The following SHANK2 variants were observed in gnomAD, a reference collection of about 807,000 sequenced individuals.
SHANK2 encodes the protein SH3 and multiple ankyrin repeat domains 2, also known as SH3 and multiple ankyrin repeat domains protein 2.
In SHANK2, 43 loss-of-function variants were observed where a neutral mutation model predicts 133.7. The ratio of observed to expected loss-of-function variants is 0.32; its 90% CI spans 0.25 to 0.41. The LOEUF (loss-of-function observed/expected upper bound fraction) is 0.41, where lower values mean the gene tolerates loss of function less well. Ranked by LOEUF, SHANK2 falls within the 10% of genes least tolerant of loss-of-function variation. SHANK2 has a pLI of 1.00. For missense variants in SHANK2, 1,994 were observed against 2,235.8 expected (o/e 0.89, Z 2.18); for synonymous variants, 1,017 against 952.8 (o/e 1.07, Z -1.24).
chr11:70,581,735 G>T (rs1345660370), intron 17 of SHANK2, among the ~76,000 whole-genome samples: 2 of 152,180 alleles, frequency 1.3e-5, no homozygotes, highest in Non-Finnish European at 2.9e-5. Flanking sequence ...TGAAGGCAAA[G>T]ACTGAAGTTG....
At chr11:70,928,584 C>T (rs922998687) in intron 10 of SHANK2, among the ~76,000 whole-genome samples, 1 of 152,056 alleles carries the variant, frequency 6.6e-6, no homozygotes, top group Non-Finnish European at 1.5e-5. Context: ...CAGAAAAAGG[C>T]ATTTGTTTCA....
rs2059736381 is a variant in SHANK2, at chr11:70,549,399, A to G, written c.2062-46468T>C. 2.0e-5 allele frequency among the ~76,000 whole-genome samples: 3 copies of G among 152,214 alleles called. No homozygotes were observed. In the South Asian group the frequency reaches 6.2e-4, roughly 32 times the overall value. On this transcript the variant is annotated intron_variant, in intron 17 of 25. Coordinates refer to ENST00000601538, the MANE Select transcript of SHANK2 (RefSeq NM_012309.5). ...TCCCCCTAGTGAAGGGCCCTTAAAA[A>G]TAAGCTCCCGATGGCCGAGAAAGGT...
At chr11:71,191,198 A>C (rs1280792484) in intron 2 of SHANK2, among the ~76,000 whole-genome samples, 3 of 152,060 alleles carry the variant, frequency 2.0e-5, no homozygotes, top group Non-Finnish European at 4.4e-5. Context: ...AAATGCAAAA[A>C]TGAACGCAGC....
In SHANK2 at chr11:71,224,758, T is replaced by C. The variant is rs782193792; in HGVS notation, c.-74A>G. The C allele has an allele frequency of 6.6e-6, 1 of 152,252 alleles. No individual in the cohort carries two copies. Among genetic ancestry groups the C allele is most frequent in the Non-Finnish European group, 1.5e-5 (1 of 68,108 alleles). The allele number at this position is 152,252 out of a possible 1,614,324, so 9.4% of individuals were successfully genotyped here. On this transcript the variant is annotated 5_prime_UTR_variant, in exon 2 of 26. Transcript: ENST00000601538. ...CTTAGAGCAGGAACTGTCTGTATTC[T>C]AGAGGGCCAAAGCAGGGTGCCTGGA... is the stretch of plus-strand genomic sequence containing the variant.
At chr11:71,086,150 T>C (rs1951406938) in intron 8 of SHANK2, among the ~76,000 whole-genome samples, 2 of 12,534 alleles carry the variant, frequency 1.6e-4, no homozygotes, top group Non-Finnish European at 4.2e-4. Flanking sequence ...TATTATGTTA[T>C]ATAATATATT....
chr11:70,859,720 T>G (rs1350474305), intron 11 of SHANK2, among the ~76,000 whole-genome samples: 1 of 152,198 alleles, frequency 6.6e-6, no homozygotes, highest in African/African-American at 2.4e-5. Context: ...TGAATGTGGT[T>G]TGACCTCCAC....
chr11:70,501,556 A>G (rs1555158476), intron 20 of SHANK2, among the ~76,000 whole-genome samples: 2 of 152,124 alleles, frequency 1.3e-5, no homozygotes, highest in African/African-American at 4.8e-5. Context: ...CCTCTTTCCA[A>G]AGGTGTCCCT....
intron 17 of SHANK2, among the ~76,000 whole-genome samples, chr11:70,593,785 CCT>C (rs2060360969): frequency 6.6e-6 from 1 of 152,200 alleles, no homozygotes; most frequent in African/African-American, 2.4e-5. Context: ...ATCCCTTTGG[CCT>C]CAGCTGGAGG....
intron 17 of SHANK2, among the ~76,000 whole-genome samples, chr11:70,655,051 G>A (rs577477327): frequency 6.6e-6 from 1 of 152,248 alleles, no homozygotes; most frequent in Non-Finnish European, 1.5e-5. Flanking sequence ...TTACAGGCGT[G>A]ATTTCTACCT....
chr11:70,495,370 C>G (rs1426822520), intron 21 of SHANK2, among the ~76,000 whole-genome samples: 1 of 152,236 alleles, frequency 6.6e-6, no homozygotes, highest in Non-Finnish European at 1.5e-5. Flanking sequence ...CCTCGCCGAT[C>G]AGCTGGGCTT....
At chr11:71,212,206 A>T (rs1954296476) in intron 2 of SHANK2, among the ~76,000 whole-genome samples, 1 of 152,144 alleles carries the variant, frequency 6.6e-6, no homozygotes, top group Non-Finnish European at 1.5e-5. Flanking sequence ...TTAACTGTAC[A>T]AATGCTCTCT....
Position 70,927,405 on chromosome 11 carries a change from T to C in SHANK2, c.1108-30838A>G, listed in dbSNP as rs557077927. 1.7e-4 allele frequency among the ~76,000 whole-genome samples: 26 copies of C among 152,076 alleles called. No homozygotes were observed. The East Asian group carries it at 1.9e-3, about 11-fold the overall frequency. On this transcript the variant is annotated intron_variant, in intron 10 of 25. Coordinates refer to ENST00000601538, the MANE Select transcript of SHANK2 (RefSeq NM_012309.5). ...CCTGGTGTGACGGACTTGAGAGCCGTTGGAAGCACAGGAGACTCAGCTTGT... is the reference window on the plus strand; with the variant it reads ...CCTGGTGTGACGGACTTGAGAGCCGCTGGAAGCACAGGAGACTCAGCTTGT...
At chr11:70,815,175 A>AACACACACACACACACACAC (rs61610592) in intron 12 of SHANK2, among the ~76,000 whole-genome samples, 1 of 119,648 alleles carries the variant, frequency 8.4e-6, no homozygotes, top group Non-Finnish European at 1.8e-5. Context: ...TGGGAGAAGA[A>AACACACACACACACACACAC]ACACACACAC....
intron 17 of SHANK2, among the ~76,000 whole-genome samples, chr11:70,609,029 G>A (rs1447458043): frequency 2.0e-5 from 3 of 152,214 alleles, no homozygotes; most frequent in East Asian, 1.9e-4. Flanking sequence ...GGGATGAAAC[G>A]GGAGACGTCT....
chr11:71,247,146 A>G lies in SHANK2; in HGVS notation c.-113+5279T>C, dbSNP rs1440475927. Reference sequence around the variant, plus strand: ...GGAAGTGGCTGTATAAATTCAAGAAAAGAACGATGAAAATGTCCTAAAGCT... The same window carrying G: ...GGAAGTGGCTGTATAAATTCAAGAAGAGAACGATGAAAATGTCCTAAAGCT... On this transcript the variant is annotated intron_variant, in intron 1 of 25. Coordinates refer to ENST00000601538, the MANE Select transcript of SHANK2 (RefSeq NM_012309.5). Among the ~76,000 whole-genome samples the G allele has an allele frequency of 2.0e-5, 3 of 152,202 alleles. No homozygotes were observed. In the East Asian group the frequency reaches 5.8e-4, roughly 29 times the overall value.
rs1175053041 is a variant in SHANK2 at position 71,060,053 on chromosome 11, C to G, written c.1030-3495G>C. ...GAGGGGGATCCCCAGAGCCCCTGCACCCCGATTCCAATTAGAAGCAAAACC... is the reference window on the plus strand; with the variant it reads ...GAGGGGGATCCCCAGAGCCCCTGCAGCCCGATTCCAATTAGAAGCAAAACC... On this transcript the variant is annotated intron_variant, in intron 9 of 25. Coordinates refer to ENST00000601538, the MANE Select transcript of SHANK2 (RefSeq NM_012309.5). Among the ~76,000 whole-genome samples the G allele has an allele frequency of 2.2e-4, 34 of 152,322 alleles. No homozygotes were observed. In the East Asian group the frequency reaches 4.4e-3, roughly 20 times the overall value.
At chr11:70,844,442 G>A (rs781824138) in intron 11 of SHANK2, among the ~76,000 whole-genome samples, 43 of 152,090 alleles carry the variant, frequency 2.8e-4, no homozygotes, top group Non-Finnish European at 4.4e-5. Context: ...CATCTAAAAC[G>A]CTGGGCACGT....
intron 14 of SHANK2, among the ~76,000 whole-genome samples, chr11:70,731,620 T>C (rs1946291886): frequency 6.6e-6 from 1 of 152,222 alleles, no homozygotes; most frequent in Non-Finnish European, 1.5e-5. Context: ...TTCCATTCAC[T>C]GGACAGACCA....
At chr11:70,865,032 AG>A (rs1204209674) in intron 11 of SHANK2, 2 of 152,182 alleles carry the variant, frequency 1.3e-5, no homozygotes, top group African/African-American at 4.8e-5. Flanking sequence ...TTAAAGAAAA[AG>A]GGGCCCTAGA....
Sources: allele counts gnomAD v4.1 joint callset (sites outside exome capture counted in the v4.1 genomes callset), GRCh38; gene constraint gnomAD v4.1.1; transcripts MANE v1.5; gene names NCBI Gene and HGNC (gene_info 2026-07-23, HGNC 2026-07-21).